Variants in ZFAT observed in about 807,000 individuals in gnomAD.
ZFAT encodes zinc finger and AT-hook domain containing, also known as zinc finger protein ZFAT.
ZFAT carries 64 observed loss-of-function variants against 117.7 expected under a neutral mutation model. The ratio of observed to expected loss-of-function variants is 0.54; its 90% CI spans 0.44 to 0.67. The LOEUF is 0.67. ZFAT is among the 30% of genes least tolerant of loss of function. ZFAT has a pLI of 0.00. For missense variants in ZFAT, 1,433 were observed against 1,584.5 expected, an observed-to-expected ratio of 0.90 and a Z score of 1.62; for synonymous variants, 679 against 615.0, an observed-to-expected ratio of 1.10 and a Z score of -1.54.
chr8:134,573,849 G>C (rs1459221881), intron 10 of ZFAT, among the ~76,000 whole-genome samples: 1 of 152,214 alleles, frequency 6.6e-6, no homozygotes, highest in Non-Finnish European at 1.5e-5. Context: ...CGCTGCCTGG[G>C]CCTGGCAACT....
intron 11 of ZFAT, among the ~76,000 whole-genome samples, chr8:134,553,899 A>G (rs1480393969): frequency 6.6e-6 from 1 of 152,176 alleles, no homozygotes; most frequent in African/African-American, 2.4e-5. Context: ...TAGAGCCACA[A>G]TCTCTAATGT....
chr8:134,778,474 T>C, the ZFAT span, among the ~76,000 whole-genome samples: 1 of 152,242 alleles, frequency 6.6e-6, no homozygotes, highest in Admixed American at 6.5e-5. Context: ...ACTCACTTGG[T>C]CTGCTGGAAT....
the ZFAT span, among the ~76,000 whole-genome samples, chr8:134,826,112 C>T: frequency 1.3e-5 from 2 of 151,952 alleles, no homozygotes; most frequent in East Asian, 3.8e-4. Flanking sequence ...TTTACTCAAT[C>T]GAACACTTGG....
the ZFAT span, among the ~76,000 whole-genome samples, chr8:134,735,637 G>C: frequency 4.6e-5 from 7 of 152,102 alleles, no homozygotes; most frequent in African/African-American, 1.7e-4. Flanking sequence ...GAATCTAGAA[G>C]TGAAATGCTG....
At chr8:134,709,127 T>C (rs1813893611) in intron 1 of ZFAT, among the ~76,000 whole-genome samples, 4 of 151,958 alleles carry the variant, frequency 2.6e-5, no homozygotes, top group Admixed American at 6.6e-5. Context: ...CTACAAAAAA[T>C]ACAAAAATTA....
intron 9 of ZFAT, among the ~76,000 whole-genome samples, chr8:134,584,414 A>C (rs1825921859): frequency 6.6e-6 from 1 of 152,232 alleles, no homozygotes; most frequent in Admixed American, 6.5e-5. Context: ...GAGGACAGAG[A>C]TCCTGAGCAA....
At chr8:134,731,400 A>G in the ZFAT span, among the ~76,000 whole-genome samples, 1 of 152,250 alleles carries the variant, frequency 6.6e-6, no homozygotes, top group Non-Finnish European at 1.5e-5. Flanking sequence ...ACACAATGGA[A>G]TATTATACAG....
intron 11 of ZFAT, among the ~76,000 whole-genome samples, chr8:134,533,299 T>C (rs1036487550): frequency 9.9e-5 from 15 of 152,040 alleles, no homozygotes; most frequent in Admixed American, 4.6e-4. Context: ...CACTAATCTA[T>C]CATTTTTTTA....
the ZFAT span, chr8:134,765,694 A>G: frequency 6.9e-6 from 1 of 143,976 alleles, no homozygotes; most frequent in African/African-American, 2.6e-5. Flanking sequence ...CCAACATTGC[A>G]CTTATGTTTT....
At chr8:134,545,006 T>C (rs1282879769) in intron 11 of ZFAT, among the ~76,000 whole-genome samples, 4 of 152,012 alleles carry the variant, frequency 2.6e-5, no homozygotes, top group Non-Finnish European at 4.4e-5. Context: ...ACGTCATGAG[T>C]CCACAGCAAC....
intron 10 of ZFAT, among the ~76,000 whole-genome samples, chr8:134,575,725 G>A (rs539754487): frequency 3.9e-5 from 6 of 152,230 alleles, no homozygotes; most frequent in East Asian, 3.9e-4. Flanking sequence ...CTACCTCCTC[G>A]CTTCTCCATG....
At chr8:134,714,119 CCAA>C (rs1255334060), upstream of ZFAT, among the ~76,000 whole-genome samples, 3 of 107,938 alleles carry the variant, frequency 2.8e-5, no homozygotes, top group Non-Finnish European at 3.9e-5. Flanking sequence ...CCCCCCCCCC[CCAA>C]AAAAAAAAAG....
At chr8:134,789,063 T>A in the ZFAT span, among the ~76,000 whole-genome samples, 4 of 152,212 alleles carry the variant, frequency 2.6e-5, no homozygotes, top group African/African-American at 9.6e-5. Context: ...TGGGTTTCTA[T>A]TTTGCAACTT....
chr8:134,495,191 A>G (rs1009289896), intron 15 of ZFAT, among the ~76,000 whole-genome samples: 1 of 152,102 alleles, frequency 6.6e-6, no homozygotes, highest in African/African-American at 2.4e-5. Context: ...ACAGAAATCT[A>G]TCTCCCATAG....
At chr8:134,827,085 T>C in the ZFAT span, among the ~76,000 whole-genome samples, 1 of 151,932 alleles carries the variant, frequency 6.6e-6, no homozygotes, top group African/African-American at 2.4e-5. Context: ...GGGTCTTGCT[T>C]TGTCATCCCA....
chr8:134,485,323 G>A (rs1817589756), intron 15 of ZFAT, among the ~76,000 whole-genome samples: 1 of 152,154 alleles, frequency 6.6e-6, no homozygotes, highest in African/African-American at 2.4e-5. Flanking sequence ...GCAGTGTCAG[G>A]GTCCACACAA....
At chr8:134,659,646 T>C (rs1369450973) in intron 1 of ZFAT, among the ~76,000 whole-genome samples, 1 of 152,192 alleles carries the variant, frequency 6.6e-6, no homozygotes, top group Non-Finnish European at 1.5e-5. Flanking sequence ...GTACTAGATC[T>C]TTCCATTGGC....
rs77698904 is a variant in ZFAT at position 134,690,388 on chromosome 8, G to A, written c.19+22457C>T. 7.4e-3 allele frequency among the ~76,000 whole-genome samples: 1,126 copies of A among 152,330 alleles called. 17 individuals carry two copies. Among genetic ancestry groups the A allele is most frequent in the African/African-American group, 0.025 (1,056 of 41,574 alleles). On this transcript the variant is annotated intron_variant, in intron 1 of 15. Coordinates refer to ENST00000377838, the MANE Select transcript of ZFAT (RefSeq NM_020863.4). The stretch of plus-strand genomic sequence containing the variant: ...TATTATTGTCACAGGTTTAAAAGCT[G>A]ACTGTGTGCTCAGGGATCCTGAGGT...
Position 134,478,197 on chromosome 8 carries a change from T to G in ZFAT, c.*285A>C. ...TGAATCTTGAAGCAAGGGGTGAAGG[T>G]GTGGGGTGTGTGTAGGGGAGCTGAC... On this transcript the variant is annotated 3_prime_UTR_variant, in exon 16 of 16. Coordinates refer to ENST00000377838, the MANE Select transcript of ZFAT (RefSeq NM_020863.4). The surrounding 1 kb of genome is among the most constrained non-coding windows in gnomAD (Gnocchi z 5.2). 1 of 441,372 alleles carries G rather than the reference T, an allele frequency of 2.3e-6. No homozygotes were observed. Among genetic ancestry groups the G allele is most frequent in the Non-Finnish European group, 4.1e-6 (1 of 242,902 alleles). 27.3% of individuals were successfully genotyped at this position (441,372 alleles called of 1,614,324 possible).
Sources: allele counts gnomAD v4.1 joint callset (sites outside exome capture counted in the v4.1 genomes callset), GRCh38; gene constraint gnomAD v4.1.1; non-coding constraint Gnocchi (gnomAD v3.1); transcripts MANE v1.5; gene names NCBI Gene and HGNC (gene_info 2026-07-23, HGNC 2026-07-21).